The following RBFOX1 variants were observed in gnomAD, a reference collection of about 807,000 sequenced individuals.
RBFOX1 encodes the protein RNA binding fox-1 homolog 1.
In RBFOX1, 8 loss-of-function variants were observed where a neutral mutation model predicts 57.7. The observed-to-expected ratio is 0.14, with a 90% CI of 0.08 to 0.25. The LOEUF (loss-of-function observed/expected upper bound fraction) is 0.25. Ranked by LOEUF, RBFOX1 falls within the 10% of genes least tolerant of loss-of-function variation. The pLI, the probability that RBFOX1 is intolerant of heterozygous loss-of-function variation, is 1.00. For missense variants in RBFOX1, 611 were observed against 548.5 expected (o/e 1.11, Z -1.14); for synonymous variants, 326 against 222.4 (o/e 1.47, Z -4.15).
chr16:6,819,223 T>C (rs1252187869), intron 3 of RBFOX1, among the ~76,000 whole-genome samples: 1 of 152,196 alleles, frequency 6.6e-6, no homozygotes, highest in Non-Finnish European at 1.5e-5. Flanking sequence ...ATCGTCTTCA[T>C]TCCTGTGGTT....
chr16:7,291,781 G>A (rs1603512858), intron 4 of RBFOX1, among the ~76,000 whole-genome samples: 1 of 151,352 alleles, frequency 6.6e-6, no homozygotes. Flanking sequence ...GGATTTGTCT[G>A]TATTCTGCAA....
intron 4 of RBFOX1, among the ~76,000 whole-genome samples, chr16:7,102,854 A>G (rs910050657): frequency 3.9e-5 from 6 of 152,220 alleles, no homozygotes; most frequent in African/African-American, 1.2e-4. Flanking sequence ...TTTCAAAAGA[A>G]TTTTTCAAAT....
intron 1 of RBFOX1, among the ~76,000 whole-genome samples, chr16:5,354,371 C>T (rs919458277): frequency 2.6e-5 from 4 of 152,096 alleles, no homozygotes; most frequent in East Asian, 1.9e-4. Context: ...AAAGACAGAC[C>T]GACTTGAATT....
intron 4 of RBFOX1, among the ~76,000 whole-genome samples, chr16:7,424,076 G>A (rs1474722911): frequency 6.6e-6 from 1 of 152,012 alleles, no homozygotes; most frequent in East Asian, 1.9e-4. Context: ...TTATTTCTTT[G>A]GTTTATTCTG....
chr16:7,436,131 T>C (rs1355823442), intron 4 of RBFOX1, among the ~76,000 whole-genome samples: 4 of 152,218 alleles, frequency 2.6e-5, no homozygotes, highest in African/African-American at 9.6e-5. Context: ...GAGGACAGAT[T>C]GGAAGTACAT....
At chr16:5,700,327 G>C (rs1180563321) in intron 3 of RBFOX1, among the ~76,000 whole-genome samples, 1 of 151,870 alleles carries the variant, frequency 6.6e-6, no homozygotes, top group African/African-American at 2.4e-5. Flanking sequence ...GGGTGGTAAT[G>C]TGTCCTGGTC....
intron 1 of RBFOX1, among the ~76,000 whole-genome samples, chr16:5,264,430 A>C (rs1360102917): frequency 3.3e-5 from 5 of 152,094 alleles, no homozygotes; most frequent in African/African-American, 1.2e-4. Context: ...TGTTCTTTGG[A>C]CCGTCTGTAT....
chr16:6,270,448 T>A (rs2075069541), intron 1 of RBFOX1, among the ~76,000 whole-genome samples: 2 of 133,580 alleles, frequency 1.5e-5, no homozygotes, highest in Non-Finnish European at 1.6e-5. Context: ...TCAGATAAAG[T>A]AGATTTAAGA....
At chr16:6,318,568 T>A (rs1440767013) in intron 2 of RBFOX1, among the ~76,000 whole-genome samples, 1 of 152,140 alleles carries the variant, frequency 6.6e-6, no homozygotes, top group Non-Finnish European at 1.5e-5. Context: ...TTCCTCTGTC[T>A]TCTGAATATG....
At chr16:6,025,034 G>C (rs1281453508) in intron 1 of RBFOX1, among the ~76,000 whole-genome samples, 1 of 152,204 alleles carries the variant, frequency 6.6e-6, no homozygotes, top group African/African-American at 2.4e-5. Flanking sequence ...GGCCCTTGTG[G>C]CCTGGGAAGG....
intron 3 of RBFOX1, among the ~76,000 whole-genome samples, chr16:7,010,334 C>G (rs1477050448): frequency 6.6e-6 from 1 of 152,210 alleles, no homozygotes; most frequent in East Asian, 1.9e-4. Context: ...TTGTGAGCAT[C>G]AAACCCAGTC....
intron 4 of RBFOX1, among the ~76,000 whole-genome samples, chr16:6,006,263 C>G (rs552255666): frequency 8.5e-5 from 13 of 152,206 alleles, no homozygotes; most frequent in African/African-American, 2.6e-4. Context: ...ACAGATGTGG[C>G]TGGTCAGAGG....
At chr16:7,059,758 C>T (rs550510033) in intron 4 of RBFOX1, among the ~76,000 whole-genome samples, 7 of 152,134 alleles carry the variant, frequency 4.6e-5, no homozygotes, top group Admixed American at 2.6e-4. Context: ...TCTCTTCACC[C>T]GTTGCAGTGT....
intron 4 of RBFOX1, among the ~76,000 whole-genome samples, chr16:7,138,771 C>T (rs1461006940): frequency 6.6e-6 from 1 of 152,130 alleles, no homozygotes; most frequent in Non-Finnish European, 1.5e-5. Flanking sequence ...ACAAGGAACA[C>T]ACATCCATTT....
intron 4 of RBFOX1, among the ~76,000 whole-genome samples, chr16:7,472,012 C>A (rs17143726): frequency 0.027 from 4,117 of 152,228 alleles, 169 homozygotes; most frequent in African/African-American, 0.093. Context: ...AGTAGTGGAA[C>A]AATTGGTGAA....
chr16:7,557,247 A>G (rs2088838315), intron 5 of RBFOX1, among the ~76,000 whole-genome samples: 1 of 152,138 alleles, frequency 6.6e-6, no homozygotes. Flanking sequence ...AGTACTTAGC[A>G]CAGCTTTATT....
At chr16:6,867,680 G>T (rs1472091199) in intron 3 of RBFOX1, among the ~76,000 whole-genome samples, 1 of 152,036 alleles carries the variant, frequency 6.6e-6, no homozygotes, top group East Asian at 1.9e-4. Flanking sequence ...GAGATTGCCT[G>T]GGTGACAGAG....
At chr16:7,599,794 G>A (rs1386565624) in intron 9 of RBFOX1, among the ~76,000 whole-genome samples, 16 of 87,770 alleles carry the variant, frequency 1.8e-4, no homozygotes, top group Non-Finnish European at 3.0e-4. Context: ...CACAATGCCT[G>A]GCTAGTTTTT....
rs562243425 is a variant in RBFOX1 at position 5,899,524 on chromosome 16, A to G, written c.351+32189A>G. 2.6e-5 allele frequency among the ~76,000 whole-genome samples: 4 copies of G among 152,268 alleles called. No homozygotes were observed. In the East Asian group the frequency reaches 7.8e-4, roughly 30 times the overall value. On this transcript the variant is annotated intron_variant, in intron 4 of 19. Transcript: ENST00000641259. ...TTGACTAGCTAGGAAGAGTGGGGCCACTCTGTGTGAATTCCACGGGTTTCA... is the reference window on the plus strand; with the variant it reads ...TTGACTAGCTAGGAAGAGTGGGGCCGCTCTGTGTGAATTCCACGGGTTTCA...
Sources: allele counts gnomAD v4.1 joint callset (sites outside exome capture counted in the v4.1 genomes callset), GRCh38; gene constraint gnomAD v4.1.1; transcripts MANE v1.5; gene names NCBI Gene and HGNC (gene_info 2026-07-23, HGNC 2026-07-21).